MLLT10: variants seen among roughly 807,000 people sequenced by gnomAD.
MLLT10 encodes MLLT10 histone lysine methyltransferase DOT1L cofactor, also known as protein AF-10.
In MLLT10, 30 loss-of-function variants were observed where a neutral mutation model predicts 129.1. The observed-to-expected ratio is 0.23, with a 90% CI of 0.17 to 0.32. The LOEUF (loss-of-function observed/expected upper bound fraction) is 0.32, where lower values mean the gene tolerates loss of function less well. Ranked by LOEUF, MLLT10 falls within the 10% of genes least tolerant of loss-of-function variation. The pLI is 1.00. For synonymous variants in MLLT10, 490 were observed against 446.4 expected (o/e 1.10, Z -1.23); for missense variants, 1,119 against 1,268.3 (o/e 0.88, Z 1.79).
intron 4 of MLLT10, among the ~76,000 whole-genome samples, chr10:21,587,981 A>C (rs1371793485): frequency 6.6e-6 from 1 of 152,228 alleles, no homozygotes; most frequent in Non-Finnish European, 1.5e-5. Flanking sequence ...ATCTTTATAC[A>C]AATGGGTTAA....
In MLLT10 at chr10:21,688,768, C is replaced by G. The variant is rs561453725; in HGVS notation, c.1699+6511C>G. Among the ~76,000 whole-genome samples, 149 of 152,180 alleles carry G rather than the reference C, an allele frequency of 9.8e-4. No individual in the cohort carries two copies. The Middle Eastern group carries it at 0.01, about 10-fold the overall frequency. On this transcript the variant is annotated intron_variant, in intron 13 of 22. Coordinates refer to ENST00000307729, the MANE Select transcript of MLLT10 (RefSeq NM_001195626.3). The stretch of plus-strand genomic sequence containing the variant: ...ATTGCTTCAGACTTGGTAGGTAGAT[C>G]TTAGAATTCCTGAAACTGTTTACTT...
chr10:21,598,162 G>T (rs2043189984), intron 5 of MLLT10, among the ~76,000 whole-genome samples: 1 of 152,176 alleles, frequency 6.6e-6, no homozygotes, highest in African/African-American at 2.4e-5. Flanking sequence ...GTAAGGTGAA[G>T]CTTTCTTTAC....
chr10:21,601,630 T>A (rs966693301), intron 5 of MLLT10, among the ~76,000 whole-genome samples: 3 of 151,974 alleles, frequency 2.0e-5, no homozygotes, highest in Non-Finnish European at 2.9e-5. Flanking sequence ...CCTCAAGCAA[T>A]CAGTCCTCCC....
chr10:21,618,977 C>T lies in MLLT10; in HGVS notation c.699+1770C>T, dbSNP rs183336467. On this transcript the variant is annotated intron_variant, in intron 8 of 22. Transcript: ENST00000307729. The stretch of plus-strand genomic sequence containing the variant: ...CTCCAACTCCTGGTCTCATGCGATT[C>T]GGCCTCCCAAAGTGCTGTGATTACA... Among the ~76,000 whole-genome samples, 15 of 151,636 alleles carry T rather than the reference C, an allele frequency of 9.9e-5. 2 individuals are homozygous for T. The East Asian group carries it at 2.1e-3, about 22-fold the overall frequency.
At chr10:21,563,454 C>T (rs910849692) in intron 3 of MLLT10, among the ~76,000 whole-genome samples, 5 of 151,962 alleles carry the variant, frequency 3.3e-5, no homozygotes, top group African/African-American at 1.2e-4. Flanking sequence ...AACCAGGAGG[C>T]AGAGGTTGCA....
At chr10:21,572,179 A>G (rs1303444866) in intron 3 of MLLT10, among the ~76,000 whole-genome samples, 1 of 151,964 alleles carries the variant, frequency 6.6e-6, no homozygotes, top group African/African-American at 2.4e-5. Flanking sequence ...TCTTTTTCTC[A>G]CTGGGTTGCT....
At position 21,735,229 on chromosome 10, in the gene MLLT10, C is replaced by A. The variant is rs1240433713; in HGVS notation, c.2949C>A (p.Leu983=). 14 of 1,609,280 alleles carry A rather than the reference C, an allele frequency of 8.7e-6. No individual in the cohort carries two copies. Among genetic ancestry groups the A allele is most frequent in the Non-Finnish European group, 1.2e-5 (14 of 1,176,106 alleles). The change falls in exon 21 of 23, where the codon CTC becomes CTA. Residue 983 remains leucine, a synonymous_variant. Transcript: ENST00000307729. ...AGCAGTTGTTAAATTCTCAACAGCT[C>A]ACACCAGTAAGTTCTTTCTTTTGAT... is the stretch of plus-strand genomic sequence containing the variant. The part of the protein sequence containing the change: ...QFQQLLNSQQ[L]TPEQHQAFLY...
chr10:21,618,466 C>G (rs932522992), intron 8 of MLLT10, among the ~76,000 whole-genome samples: 2 of 152,002 alleles, frequency 1.3e-5, no homozygotes, highest in African/African-American at 4.8e-5. Context: ...GATCATGCCA[C>G]TGCACTCCAG....
At chr10:21,692,977 C>T (rs1318511265) in intron 13 of MLLT10, among the ~76,000 whole-genome samples, 1 of 151,946 alleles carries the variant, frequency 6.6e-6, no homozygotes, top group Admixed American at 6.6e-5. Context: ...CTTTTTCCCC[C>T]ACTAAATCTT....
intron 3 of MLLT10, among the ~76,000 whole-genome samples, chr10:21,543,502 A>T (rs1409627228): frequency 2.0e-5 from 3 of 151,748 alleles, no homozygotes; most frequent in African/African-American, 7.3e-5. Context: ...TTGGAGACAG[A>T]GTTTAATTCT....
chr10:21,658,749 C>T (rs1459831105), intron 9 of MLLT10, among the ~76,000 whole-genome samples: 1 of 152,144 alleles, frequency 6.6e-6, no homozygotes, highest in Non-Finnish European at 1.5e-5. Flanking sequence ...ACTGCAGCCT[C>T]TGCCTCTTGG....
intron 3 of MLLT10, chr10:21,556,599 C>A (rs377289570): frequency 6.7e-7 from 1 of 1,489,372 alleles, no homozygotes; most frequent in South Asian, 1.2e-5. Flanking sequence ...GCCAGTTACG[C>A]GTTAGTATGT....
chr10:21,681,207 TCTAGGTGGC>T, intron 11 of MLLT10, 116 bp from the exon 12 acceptor site: 1 of 1,200,734 alleles, frequency 8.3e-7, no homozygotes. Context: ...TTTTTGAAGT[TCTAGGTGGC>T]CTACTTAACT....
chr10:21,539,063 T>G, intron 3 of MLLT10, 151 bp downstream of exon 3: 1 of 518,710 alleles, frequency 1.9e-6, no homozygotes, highest in Admixed American at 3.6e-5. Context: ...CTTGGAGTAT[T>G]AAACAGATTT....
chr10:21,588,158 C>G lies in MLLT10; in HGVS notation c.295+1810C>G, dbSNP rs572639229. Among the ~76,000 whole-genome samples, 8 of 152,246 alleles carry G rather than the reference C, an allele frequency of 5.3e-5. No homozygotes were observed. The East Asian group carries it at 1.4e-3, about 26-fold the overall frequency. ...CTCAGCTCACTGCAACCTCCACCTT[C>G]CGGGCTCAAGCGATTCTCCTGCCTC... On this transcript the variant is annotated intron_variant, in intron 4 of 22. Transcript: ENST00000307729.
intron 3 of MLLT10, among the ~76,000 whole-genome samples, chr10:21,573,525 A>G (rs1007776311): frequency 6.6e-6 from 1 of 152,146 alleles, no homozygotes; most frequent in Non-Finnish European, 1.5e-5. Context: ...TTTTAAAGAT[A>G]TTAATGTAAA....
chr10:21,555,560 C>G (rs1017926037), intron 3 of MLLT10, among the ~76,000 whole-genome samples: 1 of 152,012 alleles, frequency 6.6e-6, no homozygotes, highest in Non-Finnish European at 1.5e-5. Context: ...GTTTCAGTTA[C>G]GAAACTTTCT....
In MLLT10 at chr10:21,613,337, A is replaced by C. The variant is rs116062816; in HGVS notation, c.509+886A>C. 5.4e-3 allele frequency among the ~76,000 whole-genome samples: 829 copies of C among 152,274 alleles called. 5 individuals are homozygous for C. Among genetic ancestry groups the C allele is most frequent in the African/African-American group, 0.019 (776 of 41,552 alleles). On this transcript the variant is annotated intron_variant, in intron 6 of 22. Coordinates refer to ENST00000307729, the MANE Select transcript of MLLT10 (RefSeq NM_001195626.3). ...AATAATCTGTGCACTAATTTTAAGA[A>C]TCAGTCTATGCTTCACTGCCAGTGT...
At position 21,570,990 on chromosome 10, in the gene MLLT10, G is replaced by C. The variant is rs552775484; in HGVS notation, c.241-15304G>C. Among the ~76,000 whole-genome samples the C allele has an allele frequency of 5.9e-5, 9 of 152,128 alleles. No individual in the cohort carries two copies. In the East Asian group the frequency reaches 1.7e-3, roughly 29 times the overall value. ...CTTTGTTCTGTGGCATTATTGAGTT[G>C]CTTGAAAACAGTTTCTTTCTGTTGG... On this transcript the variant is annotated intron_variant, in intron 3 of 22. Transcript: ENST00000307729.
Sources: allele counts gnomAD v4.1 joint callset (sites outside exome capture counted in the v4.1 genomes callset), GRCh38; gene constraint gnomAD v4.1.1; transcripts MANE v1.5; gene names NCBI Gene and HGNC (gene_info 2026-07-23, HGNC 2026-07-21).